Variants in MALT1 observed in about 807,000 individuals in gnomAD.
MALT1 encodes the protein MALT1 paracaspase.
In MALT1, 36 loss-of-function variants were observed where a neutral mutation model predicts 85.5. The ratio of observed to expected loss-of-function variants is 0.42; its 90% confidence interval spans 0.32 to 0.56. The LOEUF (loss-of-function observed/expected upper bound fraction) is 0.56. Among genes scored for constraint, MALT1 ranks in the 20% least tolerant of loss-of-function variants. The pLI is 0.10. For missense variants in MALT1, 716 were observed against 981.6 expected, an observed-to-expected ratio of 0.73 and a Z score of 3.62; for synonymous variants, 359 against 361.3, an observed-to-expected ratio of 0.99 and a Z score of 0.07.
Position 58,681,346 on chromosome 18 carries a change from G to T in MALT1, c.376+10G>T. 1 of 1,609,332 alleles carries T rather than the reference G, an allele frequency of 6.2e-7. No homozygotes were observed. The highest frequency in any genetic ancestry group is 8.5e-7 in the Non-Finnish European group (1 of 1,177,740). ...CTTCTCAGCCCCCCAGGTAGGTTTT[G>T]TTCTTAGGATTATTCTCCAGGAGTT... On this transcript the variant is annotated intron_variant, in intron 2 of 16. Coordinates refer to ENST00000649217, the MANE Select transcript of MALT1 (RefSeq NM_006785.4).
At chr18:58,745,360 T>C (rs2055351697) in intron 15 of MALT1, among the ~76,000 whole-genome samples, 1 of 152,240 alleles carries the variant, frequency 6.6e-6, no homozygotes, top group Non-Finnish European at 1.5e-5. Context: ...CAAACACTAA[T>C]GGGGCTCTCT....
In MALT1 at chr18:58,744,356, G is replaced by A; in HGVS notation, c.1772G>A (p.Cys591Tyr). Residue 591 changes from cysteine (C) to tyrosine (Y), a missense_variant, in exon 15 of 17, where the codon TGT (cysteine) becomes TAT (tyrosine). Transcript: ENST00000649217. ...AKAHELPESMCLKFDCGVQIQ... is the reference protein window; with the variant it reads ...AKAHELPESMYLKFDCGVQIQ... Reference sequence around the variant, plus strand: ...TTTTCAGAACTTCCAGAAAGTATGTGTCTTAAGTTTGACTGTGGTGTTCAG... The same window carrying A: ...TTTTCAGAACTTCCAGAAAGTATGTATCTTAAGTTTGACTGTGGTGTTCAG... The A allele has an allele frequency of 1.2e-6, 2 of 1,601,098 alleles. No homozygotes were observed. The highest frequency in any genetic ancestry group is 1.7e-6 in the Non-Finnish European group (2 of 1,173,466).
intron 13 of MALT1, 21 bp from the exon 14 acceptor site, chr18:58,741,844 A>G: frequency 9.9e-6 from 14 of 1,414,596 alleles, no homozygotes; most frequent in Non-Finnish European, 1.3e-5. Flanking sequence ...TAAAAATAAT[A>G]TTTATTTTCA....
intron 12 of MALT1, 102 bp downstream of exon 12, chr18:58,734,483 G>C: frequency 1.2e-6 from 1 of 854,688 alleles, no homozygotes; most frequent in South Asian, 1.4e-5. Flanking sequence ...ACCCAGGCTG[G>C]AGTGCAGAGG....
At chr18:58,698,459 T>C (rs1471700622) in intron 3 of MALT1, among the ~76,000 whole-genome samples, 1 of 152,166 alleles carries the variant, frequency 6.6e-6, no homozygotes, top group East Asian at 1.9e-4. Flanking sequence ...TGACTGGAAG[T>C]AGCAGTAGCG....
At chr18:58,672,012 A>G in intron 1 of MALT1, 160 bp downstream of exon 1, 1 of 434,176 alleles carries the variant, frequency 2.3e-6, no homozygotes, top group Non-Finnish European at 3.7e-6. Context: ...AGCGGAACTC[A>G]GCAGCTCCCC....
At chr18:58,674,080 G>A (rs1196574192) in intron 1 of MALT1, 3 of 152,144 alleles carry the variant, frequency 2.0e-5, no homozygotes, top group Non-Finnish European at 4.4e-5. Flanking sequence ...GGTTAGGGAA[G>A]GTTCTGGGCT....
At chr18:58,701,208 A>G (rs1237922736) in intron 4 of MALT1, among the ~76,000 whole-genome samples, 1 of 151,992 alleles carries the variant, frequency 6.6e-6, no homozygotes, top group Non-Finnish European at 1.5e-5. Flanking sequence ...GGTCGCTGCC[A>G]CTGACCTCTT....
intron 10 of MALT1, among the ~76,000 whole-genome samples, chr18:58,725,759 T>G (rs762914318): frequency 1.3e-5 from 2 of 152,220 alleles, no homozygotes; most frequent in Non-Finnish European, 2.9e-5. Context: ...TTTGTTTGAC[T>G]TTTAAAACCA....
intron 10 of MALT1, among the ~76,000 whole-genome samples, chr18:58,728,353 C>T (rs1442980375): frequency 6.6e-6 from 1 of 152,184 alleles, no homozygotes; most frequent in Non-Finnish European, 1.5e-5. Flanking sequence ...CACCTATAAT[C>T]CTAACAGTGG....
Position 58,753,590 on chromosome 18 carries a change from TTG to T in MALT1, c.*5752_*5753del, listed in dbSNP as rs1312717659. 1.3e-5 allele frequency: 2 copies of T among 152,234 alleles called. No individual in the cohort carries two copies. The highest frequency in any genetic ancestry group is 2.9e-5 in the Non-Finnish European group (2 of 68,046). The allele number at this position is 152,234 out of a possible 1,614,324, so 9.4% of individuals were successfully genotyped here. A position where few individuals can be genotyped will look rare whatever the true frequency, so the allele number is the denominator to read the frequency against. On this transcript the variant is annotated 3_prime_UTR_variant, in exon 17 of 17. Transcript: ENST00000649217. ...AGCATGCAGATTTAATGCCACCAGT[TTG>T]TGTTATGTATCTATCCCGCAAAACA... is the stretch of plus-strand genomic sequence containing the variant.
chr18:58,737,610 A>G (rs1304612366), intron 13 of MALT1, among the ~76,000 whole-genome samples: 3 of 152,128 alleles, frequency 2.0e-5, no homozygotes, highest in African/African-American at 7.2e-5. Flanking sequence ...GTGAGACTAC[A>G]GAGTCTCTGT....
chr18:58,742,574 G>A (rs1003555074), intron 14 of MALT1, among the ~76,000 whole-genome samples: 14 of 152,178 alleles, frequency 9.2e-5, no homozygotes, highest in Non-Finnish European at 1.5e-4. Flanking sequence ...GGGGTGTGGT[G>A]GCACGTGCCT....
intron 2 of MALT1, among the ~76,000 whole-genome samples, chr18:58,687,458 A>G (rs2054421488): frequency 6.6e-6 from 1 of 152,346 alleles, no homozygotes; most frequent in East Asian, 1.9e-4. Context: ...AGGGACACAC[A>G]TGGACCTACT....
At chr18:58,685,607 G>C (rs1190320427) in intron 2 of MALT1, among the ~76,000 whole-genome samples, 2 of 152,158 alleles carry the variant, frequency 1.3e-5, no homozygotes, top group Admixed American at 6.5e-5. Context: ...ACTCACTCTG[G>C]AATTATAATT....
rs550567047 is a variant in MALT1, at chr18:58,747,934, G to A, written c.*92G>A. ...TGAGACATTGTGAAAAGGCAAATTT[G>A]TATATGTAGAGAAAGAATAGTAGTA... On this transcript the variant is annotated 3_prime_UTR_variant, in exon 17 of 17. Coordinates refer to ENST00000649217, the MANE Select transcript of MALT1 (RefSeq NM_006785.4). 46 of 944,736 alleles carry A rather than the reference G, an allele frequency of 4.9e-5. No homozygotes were observed. The highest frequency in any genetic ancestry group is 2.3e-4 in the African/African-American group (14 of 61,258). 58.5% of individuals were successfully genotyped at this position (944,736 alleles called of 1,614,324 possible).
intron 4 of MALT1, among the ~76,000 whole-genome samples, chr18:58,707,591 A>G (rs1371997681): frequency 6.6e-6 from 1 of 152,266 alleles, no homozygotes; most frequent in East Asian, 1.9e-4. Flanking sequence ...CCAGCCCCTG[A>G]CAGGGTTACA....
At chr18:58,683,793 T>G (rs1222038477) in intron 2 of MALT1, among the ~76,000 whole-genome samples, 2 of 152,240 alleles carry the variant, frequency 1.3e-5, no homozygotes, top group Admixed American at 6.5e-5. Flanking sequence ...CTTACAGACT[T>G]TCTCAAGATT....
chr18:58,733,737 A>G (rs565381894), intron 11 of MALT1, 163 bp downstream of exon 11: 1 of 734,410 alleles, frequency 1.4e-6, no homozygotes, highest in Admixed American at 3.3e-5. Context: ...TACTCCATGT[A>G]TATCTAATTA....
Sources: gnomAD v4.1 joint callset for allele counts (sites outside exome capture counted in the v4.1 genomes callset) on GRCh38, gnomAD v4.1.1 for gene constraint, MANE v1.5 for transcripts, NCBI Gene and HGNC (gene_info 2026-07-23, HGNC 2026-07-21) for gene names.